UBR2: variants seen among roughly 807,000 people sequenced by gnomAD.
UBR2 encodes E3 ubiquitin-protein ligase UBR2.
Under a neutral mutation model 247.9 loss-of-function variants are expected in UBR2, and 92 were observed. That is an observed-to-expected ratio of 0.37 (90% confidence interval 0.31 to 0.44). The LOEUF (loss-of-function observed/expected upper bound fraction) is 0.44. UBR2 is among the 20% of genes least tolerant of loss of function. The pLI is 1.00. For missense variants in UBR2, 1,613 were observed against 2,112.6 expected, an observed-to-expected ratio of 0.76 and a Z score of 4.64; for synonymous variants, 672 against 693.5, an observed-to-expected ratio of 0.97 and a Z score of 0.49.
intron 4 of UBR2, among the ~76,000 whole-genome samples, chr6:42,602,391 A>T (rs1362132415): frequency 6.6e-6 from 1 of 151,462 alleles, no homozygotes; most frequent in African/African-American, 2.4e-5. Flanking sequence ...TTTAGTAGAG[A>T]CGGGGTTTCA....
intron 7 of UBR2, among the ~76,000 whole-genome samples, chr6:42,610,692 T>C (rs1794010291): frequency 6.6e-6 from 1 of 152,152 alleles, no homozygotes; most frequent in African/African-American, 2.4e-5. Context: ...GGGAAGAAAG[T>C]AGCAGGGACT....
In UBR2 at chr6:42,571,089, A is replaced by AT. The variant is rs1208914470; in HGVS notation, c.79-2636dup. Among the ~76,000 whole-genome samples, 7 of 150,302 alleles carry AT rather than the reference A, an allele frequency of 4.7e-5. No homozygotes were observed. In the South Asian group the frequency reaches 8.5e-4, roughly 18 times the overall value. ...CTCGTTACAGTTACTAGACTGCATA[A>AT]TTTTTTTTTAGAAAGCATCCATGCT... On this transcript the variant is annotated intron_variant, in intron 1 of 46. Transcript: ENST00000372901.
intron 42 of UBR2, among the ~76,000 whole-genome samples, 183 bp from the exon 43 acceptor site, chr6:42,682,872 A>C (rs1350051828): frequency 6.6e-6 from 1 of 152,216 alleles, no homozygotes; most frequent in East Asian, 1.9e-4. Flanking sequence ...TCTTGCTTTT[A>C]GAAAATATTC....
At chr6:42,594,119 A>G (rs766725172) in intron 3 of UBR2, 72 bp from the exon 4 acceptor site, 5 of 1,176,440 alleles carry the variant, frequency 4.3e-6, no homozygotes, top group Non-Finnish European at 6.2e-6. Flanking sequence ...TTAGCACTTG[A>G]TATTCTTATT....
In UBR2 at chr6:42,642,269, A is replaced by G. The variant is rs1158419017; in HGVS notation, c.2032-147A>G. 24 of 626,626 alleles carry G rather than the reference A, an allele frequency of 3.8e-5. 1 individual carries two copies. Among genetic ancestry groups the G allele is most frequent in the Non-Finnish European group, 8.4e-6 (3 of 356,774 alleles). The allele number at this position is 626,626 out of a possible 1,614,324, so 38.8% of individuals were successfully genotyped here. ...TAATGTGAAAATCTGTAATTAATTA[A>G]TCTTTACTAAGATAATGTTAATTGT... On this transcript the variant is annotated intron_variant, in intron 17 of 46. Coordinates refer to ENST00000372901, the MANE Select transcript of UBR2 (RefSeq NM_001363705.2).
At chr6:42,680,279 C>A (rs867045429) in intron 42 of UBR2, among the ~76,000 whole-genome samples, 2 of 152,320 alleles carry the variant, frequency 1.3e-5, no homozygotes, top group South Asian at 4.1e-4. Context: ...AGCCACCGCA[C>A]CTGGCCTATG....
intron 11 of UBR2, among the ~76,000 whole-genome samples, chr6:42,618,586 A>C (rs1011999103): frequency 1.3e-5 from 2 of 152,214 alleles, no homozygotes; most frequent in Non-Finnish European, 2.9e-5. Context: ...TCTTAAAAAC[A>C]TGAGAAGGCA....
At chr6:42,652,163 T>G (rs1259621644) in intron 24 of UBR2, 92 bp downstream of exon 24, 15 of 1,229,262 alleles carry the variant, frequency 1.2e-5, no homozygotes, top group Non-Finnish European at 1.7e-5. Context: ...CTTGGTGGAA[T>G]GAATATTTAA....
intron 44 of UBR2, among the ~76,000 whole-genome samples, chr6:42,686,045 A>G (rs1278829361): frequency 3.3e-5 from 5 of 151,664 alleles, no homozygotes; most frequent in Non-Finnish European, 7.4e-5. Context: ...ATAAGTTTCT[A>G]TTCTTGAGCA....
chr6:42,608,182 G>A (rs899391010), intron 7 of UBR2, among the ~76,000 whole-genome samples: 4 of 152,040 alleles, frequency 2.6e-5, no homozygotes, highest in Non-Finnish European at 5.9e-5. Flanking sequence ...AGTTTTTAGG[G>A]TATGGACATT....
At chr6:42,629,607 A>G (rs550558637) in intron 11 of UBR2, among the ~76,000 whole-genome samples, 5 of 152,226 alleles carry the variant, frequency 3.3e-5, no homozygotes, top group African/African-American at 1.2e-4. Context: ...CAGTGAGCCA[A>G]GATTATGCCA....
rs1281739006 is a variant in UBR2 at position 42,659,399 on chromosome 6, G to T, written c.3243-257G>T. On this transcript the variant is annotated intron_variant, in intron 29 of 46. Coordinates refer to ENST00000372901, the MANE Select transcript of UBR2 (RefSeq NM_001363705.2). The surrounding 1 kb of genome is among the most constrained non-coding windows in gnomAD (Gnocchi z 4.3). ...GCCTATAATCCCAGCTACTCAGGAG[G>T]CTGAGTCAGGAGAATTGCTTGAACC... is the stretch of plus-strand genomic sequence containing the variant. 1.3e-5 allele frequency among the ~76,000 whole-genome samples: 2 copies of T among 151,820 alleles called. No homozygotes were observed. The highest frequency in any genetic ancestry group is 3.9e-4 in the East Asian group (2 of 5,184).
At chr6:42,633,718 T>TG (rs1554255350) in intron 13 of UBR2, among the ~76,000 whole-genome samples, 3 of 148,656 alleles carry the variant, frequency 2.0e-5, no homozygotes, top group Non-Finnish European at 4.5e-5. Context: ...TTTTGTTTGT[T>TG]TTTTGTTTTG....
chr6:42,568,482 C>A (rs1033720660), intron 1 of UBR2, among the ~76,000 whole-genome samples: 15 of 152,272 alleles, frequency 9.9e-5, no homozygotes, highest in African/African-American at 3.6e-4. Context: ...GTAATTCCAG[C>A]ACTTTGGGAG....
At chr6:42,625,906 C>T (rs796584115) in intron 11 of UBR2, among the ~76,000 whole-genome samples, 15 of 151,640 alleles carry the variant, frequency 9.9e-5, no homozygotes, top group South Asian at 2.1e-4. Context: ...CTCCGCCTCC[C>T]GGGTTCACGC....
At chr6:42,663,113 C>A in intron 31 of UBR2, 145 bp from the exon 32 acceptor site, 1 of 670,710 alleles carries the variant, frequency 1.5e-6, no homozygotes, top group Non-Finnish European at 2.2e-6. Context: ...TAAAATCACT[C>A]AAAAATCATG....
intron 41 of UBR2, 86 bp downstream of exon 41, chr6:42,678,755 T>G: frequency 9.5e-6 from 14 of 1,472,326 alleles, no homozygotes; most frequent in Non-Finnish European, 1.2e-5. Flanking sequence ...AAAATGAAAA[T>G]TGACTAAAAG....
intron 7 of UBR2, among the ~76,000 whole-genome samples, chr6:42,608,458 T>C (rs1460229040): frequency 6.6e-6 from 1 of 151,898 alleles, no homozygotes; most frequent in Non-Finnish European, 1.5e-5. Context: ...AGACCCCGAC[T>C]CTACAAAAAA....
chr6:42,638,463 T>C (rs2151955578), intron 15 of UBR2, among the ~76,000 whole-genome samples: 1 of 152,342 alleles, frequency 6.6e-6, no homozygotes, highest in South Asian at 2.1e-4. Flanking sequence ...AATTACTTAC[T>C]CTGAGGCTTA....
Sources: gnomAD v4.1 joint callset for allele counts (sites outside exome capture counted in the v4.1 genomes callset) on GRCh38, gnomAD v4.1.1 for gene constraint, Gnocchi (gnomAD v3.1) non-coding constraint, MANE v1.5 for transcripts, NCBI Gene and HGNC (gene_info 2026-07-23, HGNC 2026-07-21) for gene names.